The following ANKFY1 variants were observed in gnomAD, a reference collection of about 807,000 sequenced individuals.
The protein encoded by ANKFY1 is ankyrin repeat and FYVE domain containing 1.
ANKFY1 carries 47 observed loss-of-function variants against 128.3 expected under a neutral mutation model. The ratio of observed to expected loss-of-function variants is 0.37; its 90% CI spans 0.29 to 0.47. ANKFY1 has a LOEUF of 0.47. ANKFY1 is among the 20% of genes least tolerant of loss of function. The probability of loss-of-function intolerance (pLI) is 1.00; values close to 1 mark genes in which losing one functional copy is unlikely to be tolerated. For synonymous variants in ANKFY1, 553 were observed against 601.6 expected (o/e 0.92, Z 1.18); for missense variants, 1,222 against 1,510.6 (o/e 0.81, Z 3.17).
At chr17:4,202,195 G>A (rs965381415) in intron 7 of ANKFY1, among the ~76,000 whole-genome samples, 3 of 151,682 alleles carry the variant, frequency 2.0e-5, no homozygotes, top group Admixed American at 2.0e-4. Context: ...TTGAGGCCAG[G>A]GGTTTGAGAC....
chr17:4,190,922 G>A (rs553764314), intron 10 of ANKFY1, among the ~76,000 whole-genome samples: 2 of 152,274 alleles, frequency 1.3e-5, no homozygotes, highest in African/African-American at 4.8e-5. Flanking sequence ...TGGATAATTT[G>A]AGCTCAGGAG....
chr17:4,207,016 A>C (rs1389399550), intron 6 of ANKFY1, among the ~76,000 whole-genome samples: 1 of 152,106 alleles, frequency 6.6e-6, no homozygotes, highest in Non-Finnish European at 1.5e-5. Context: ...GAACCTATAA[A>C]CATACCACGT....
At chr17:4,202,144 T>A (rs1027078022) in intron 7 of ANKFY1, among the ~76,000 whole-genome samples, 1 of 152,132 alleles carries the variant, frequency 6.6e-6, no homozygotes, top group African/African-American at 2.4e-5. Context: ...GGCTCCTGAC[T>A]GTAATCCCAG....
At chr17:4,222,100 G>A (rs946395197) in intron 3 of ANKFY1, 1 of 150,982 alleles carries the variant, frequency 6.6e-6, no homozygotes, top group Admixed American at 6.6e-5. Flanking sequence ...GCCAGGGGTA[G>A]GCGGCGGTGC....
chr17:4,207,954 A>G lies in ANKFY1; in HGVS notation c.711T>C (p.Tyr237=), dbSNP rs773965165. 1.9e-6 allele frequency: 3 copies of G among 1,605,906 alleles called. No homozygotes were observed. Among genetic ancestry groups the G allele is most frequent in the Admixed American group, 1.7e-5 (1 of 58,442 alleles). ...GTACCTGGGAATCCATTTCAATCAG[A>G]TACAGGAAGACCACGTCTTCTCTCT... ...KVEREDVVFL[Y]LIEMDSQLPG... The change falls in exon 6 of 25, where the codon TAT becomes TAC. Residue 237 remains tyrosine, a synonymous_variant. Transcript: ENST00000341657.
At chr17:4,208,264 G>A in intron 5 of ANKFY1, 182 bp from the exon 6 acceptor site, 1 of 508,098 alleles carries the variant, frequency 2.0e-6, no homozygotes, top group Non-Finnish European at 3.3e-6. Context: ...TTTTACAGAA[G>A]AAAATATTAT....
chr17:4,233,883 C>G (rs1424298257), intron 3 of ANKFY1, among the ~76,000 whole-genome samples: 2 of 152,222 alleles, frequency 1.3e-5, no homozygotes, highest in Admixed American at 6.5e-5. Flanking sequence ...GACAAACCTT[C>G]TGAACAAAGA....
intron 7 of ANKFY1, among the ~76,000 whole-genome samples, chr17:4,198,703 CATA>C (rs1386637557): frequency 6.6e-6 from 1 of 152,146 alleles, no homozygotes; most frequent in African/African-American, 2.4e-5. Flanking sequence ...ATTATATACA[CATA>C]ACTGACTTAA....
chr17:4,189,270 T>C, intron 11 of ANKFY1, 112 bp downstream of exon 11: 1 of 811,160 alleles, frequency 1.2e-6, no homozygotes. Flanking sequence ...GCATGTATTA[T>C]TCTGATTAAA....
At chr17:4,220,818 TCCAATCTACTTAAGC>T (rs1307294189) in intron 3 of ANKFY1, among the ~76,000 whole-genome samples, 8 of 152,222 alleles carry the variant, frequency 5.3e-5, no homozygotes, top group Middle Eastern at 3.2e-3. Flanking sequence ...ACTGTCTGCT[TCCAATCTACTTAAGC>T]AAGTGGTTGT....
In ANKFY1 at chr17:4,242,455, G is replaced by C; in HGVS notation, c.11-7C>G. 5 of 1,537,200 alleles carry C rather than the reference G, an allele frequency of 3.3e-6. No individual in the cohort carries two copies. The highest frequency in any genetic ancestry group is 4.4e-6 in the Non-Finnish European group (5 of 1,144,782). ...TCCAACTTGGCCACCTCCTCTGCAA[G>C]GAAAACGAAGAATCAAGTTCACCGT... On this transcript the variant is annotated splice_polypyrimidine_tract_variant and splice_region_variant and intron_variant, in intron 1 of 24. Transcript: ENST00000341657.
chr17:4,168,997 G>A (rs117231780), intron 24 of ANKFY1: 12 of 540,040 alleles, frequency 2.2e-5, no homozygotes, highest in African/African-American at 5.6e-5. Flanking sequence ...AAAGCCACCC[G>A]TCTGCAGGCT....
In ANKFY1 at chr17:4,169,424, A is replaced by G. The variant is rs2142999176; in HGVS notation, c.3287-136T>C. 3.0e-6 allele frequency: 2 copies of G among 666,752 alleles called. No homozygotes were observed. Among genetic ancestry groups the G allele is most frequent in the East Asian group, 5.5e-5 (2 of 36,198 alleles). The allele number at this position is 666,752 out of a possible 1,614,324, so 41.3% of individuals were successfully genotyped here. ...ATGACATAGGTGACGAAGGAGCGATAGGTTCTAAGTGGTTCAGGGCCAGCT... is the reference window on the plus strand; with the variant it reads ...ATGACATAGGTGACGAAGGAGCGATGGGTTCTAAGTGGTTCAGGGCCAGCT... On this transcript the variant is annotated intron_variant, in intron 23 of 24. Transcript: ENST00000341657. The surrounding 1 kb of genome is among the most constrained non-coding windows in gnomAD (Gnocchi z 5.0).
intron 3 of ANKFY1, among the ~76,000 whole-genome samples, chr17:4,224,159 ACTG>A (rs1456449087): frequency 6.6e-6 from 1 of 151,406 alleles, no homozygotes; most frequent in East Asian, 1.9e-4. Flanking sequence ...CTTAGTGCCA[ACTG>A]CTTTTTATTT....
chr17:4,253,956 C>G (rs1270132100), intron 1 of ANKFY1, among the ~76,000 whole-genome samples: 3 of 152,190 alleles, frequency 2.0e-5, no homozygotes, highest in African/African-American at 7.2e-5. Flanking sequence ...AACTAAGTGT[C>G]TCTGCATTGA....
At chr17:4,189,285 GA>G in intron 11 of ANKFY1, 96 bp downstream of exon 11, 2 of 1,054,334 alleles carry the variant, frequency 1.9e-6, no homozygotes, top group Non-Finnish European at 2.8e-6. Context: ...ATTAAAAACT[GA>G]AAAAAACCAC....
At chr17:4,245,515 A>G (rs1236323811) in intron 1 of ANKFY1, among the ~76,000 whole-genome samples, 2,747 of 152,056 alleles carry the variant, frequency 0.018, 87 homozygotes, top group African/African-American at 0.063. Flanking sequence ...TAAATTTTTA[A>G]GTTTTTTGGA....
intron 7 of ANKFY1, among the ~76,000 whole-genome samples, chr17:4,202,568 G>A (rs1219967633): frequency 6.7e-5 from 10 of 149,168 alleles, no homozygotes; most frequent in Non-Finnish European, 1.2e-4. Flanking sequence ...ATGGTGGCGC[G>A]CGCCTGTAGT....
intron 4 of ANKFY1, among the ~76,000 whole-genome samples, chr17:4,214,518 C>T (rs930971319): frequency 1.3e-5 from 2 of 151,004 alleles, no homozygotes; most frequent in African/African-American, 4.9e-5. Context: ...AAACGATAAA[C>T]CTAACTTTTT....
Sources: gnomAD v4.1 joint callset for allele counts (sites outside exome capture counted in the v4.1 genomes callset) on GRCh38, gnomAD v4.1.1 for gene constraint, Gnocchi (gnomAD v3.1) non-coding constraint, MANE v1.5 for transcripts, NCBI Gene and HGNC (gene_info 2026-07-23, HGNC 2026-07-21) for gene names.